The following DLGAP5 variants were observed in gnomAD, a reference collection of about 807,000 sequenced individuals.
DLGAP5 encodes the protein DLG associated protein 5.
In DLGAP5, 90 loss-of-function variants were observed where a neutral mutation model predicts 99.6. The ratio of observed to expected loss-of-function variants is 0.90; its 90% confidence interval spans 0.76 to 1.08. DLGAP5 has a LOEUF of 1.08. Ranked by LOEUF, DLGAP5 falls within the 50% of genes least tolerant of loss-of-function variation. The pLI is 0.00. For missense variants in DLGAP5, 1,036 were observed against 983.5 expected, an observed-to-expected ratio of 1.05 and a Z score of -0.71; for synonymous variants, 311 against 321.3, an observed-to-expected ratio of 0.97 and a Z score of 0.34.
chr14:55,189,419 T>C (rs987881479), intron 1 of DLGAP5, among the ~76,000 whole-genome samples: 2 of 152,060 alleles, frequency 1.3e-5, no homozygotes, highest in African/African-American at 4.8e-5. Context: ...CAGTAAGTGA[T>C]AGTCCAGAAT....
chr14:55,151,853 A>C lies in DLGAP5; in HGVS notation c.2210T>G (p.Ile737Ser), dbSNP rs895075639. The change falls in exon 17 of 19, where the codon ATT becomes AGT. Residue 737 changes from isoleucine (I) to serine (S), a missense_variant. Ile to Ser is a moderately radical substitution (Grantham distance 142). Coordinates refer to ENST00000247191, the MANE Select transcript of DLGAP5 (RefSeq NM_014750.5). ...PLLAGGVADD[I>S]NTNKKEGISD... ...AATTCCTTCTTTTTTGTTAGTATTA[A>C]TATCATCTGCTACTCCACCAGCAAG... The C allele has an allele frequency of 6.2e-7, 1 of 1,613,950 alleles. No individual in the cohort carries two copies. The highest frequency in any genetic ancestry group is 8.5e-7 in the Non-Finnish European group (1 of 1,179,952).
chr14:55,174,211 G>A (rs1429081103), intron 10 of DLGAP5, among the ~76,000 whole-genome samples: 1 of 152,116 alleles, frequency 6.6e-6, no homozygotes, highest in African/African-American at 2.4e-5. Flanking sequence ...AACTGCAGGG[G>A]TGAAATAGAC....
intron 10 of DLGAP5, among the ~76,000 whole-genome samples, chr14:55,171,762 T>C (rs974404264): frequency 1.3e-5 from 2 of 152,092 alleles, no homozygotes; most frequent in African/African-American, 2.4e-5. Context: ...GGTATATACA[T>C]ACAATGAAAT....
At chr14:55,176,457 A>G (rs1025535289) in intron 8 of DLGAP5, among the ~76,000 whole-genome samples, 1 of 152,282 alleles carries the variant, frequency 6.6e-6, no homozygotes, top group Non-Finnish European at 1.5e-5. Context: ...GAGCTAAAGC[A>G]GTATAGCAAT....
chr14:55,158,218 G>A (rs1882279416), intron 14 of DLGAP5, among the ~76,000 whole-genome samples: 1 of 152,126 alleles, frequency 6.6e-6, no homozygotes, highest in Non-Finnish European at 1.5e-5. Flanking sequence ...TTGGGATCCT[G>A]TGACCTTTCT....
chr14:55,189,176 A>C lies in DLGAP5; in HGVS notation c.4T>G (p.Ser2Ala). The change falls in exon 2 of 19, where the codon TCT becomes GCT. Residue 2 changes from serine to alanine, a missense_variant. Ser to Ala is a moderately conservative substitution (Grantham distance 99, BLOSUM62 1). Transcript: ENST00000247191. ...TGTCGACTGGCAAAATGTGATGAAG[A>C]CATCCTGTCAAGGAAAAGGACAAAA... Reference protein sequence around the residue: MSSSHFASRHRK... With the variant: MASSHFASRHRK... The C allele has an allele frequency of 6.2e-7, 1 of 1,611,360 alleles. No individual in the cohort carries two copies. The highest frequency in any genetic ancestry group is 8.5e-7 in the Non-Finnish European group (1 of 1,178,650).
At position 55,148,252 on chromosome 14, in the gene DLGAP5, A is replaced by G; in HGVS notation, c.*99T>C. ...AGAATATTAAAACATTATATGCTAT[A>G]GAAGTGAACACAAATACATTTTCTC... On this transcript the variant is annotated 3_prime_UTR_variant, in exon 19 of 19. Coordinates refer to ENST00000247191, the MANE Select transcript of DLGAP5 (RefSeq NM_014750.5). The G allele has an allele frequency of 8.3e-7, 1 of 1,207,830 alleles. No homozygotes were observed. Among genetic ancestry groups the G allele is most frequent in the Non-Finnish European group, 1.2e-6 (1 of 850,012 alleles). 74.8% of individuals were successfully genotyped at this position (1,207,830 alleles called of 1,614,324 possible). A position where few individuals can be genotyped will look rare whatever the true frequency, so the allele number is the denominator to read the frequency against.
intron 12 of DLGAP5, among the ~76,000 whole-genome samples, chr14:55,164,903 C>T (rs1882583238): frequency 8.0e-6 from 1 of 125,342 alleles, no homozygotes; most frequent in Non-Finnish European, 1.6e-5. Flanking sequence ...GCCTGGGCGA[C>T]AGAGTGAGAC....
At chr14:55,179,025 C>G (rs368364120) in intron 7 of DLGAP5, among the ~76,000 whole-genome samples, 1 of 151,960 alleles carries the variant, frequency 6.6e-6, no homozygotes, top group Non-Finnish European at 1.5e-5. Flanking sequence ...CGAGCCTGGG[C>G]GACAGAGTGA....
intron 3 of DLGAP5, 123 bp downstream of exon 3, chr14:55,183,437 T>C (rs992185458): frequency 1.3e-6 from 1 of 771,764 alleles, no homozygotes; most frequent in East Asian, 3.2e-5. Context: ...TACTATTATG[T>C]CATTCCCACC....
chr14:55,160,030 C>T (rs550264328), intron 13 of DLGAP5, among the ~76,000 whole-genome samples: 1 of 152,096 alleles, frequency 6.6e-6, no homozygotes, highest in African/African-American at 2.4e-5. Context: ...TGGAGAAACA[C>T]CAGCTCCACT....
chr14:55,184,667 CATGTGGGGCCTTAAGA>C (rs1380613763), intron 2 of DLGAP5, among the ~76,000 whole-genome samples: 1 of 152,170 alleles, frequency 6.6e-6, no homozygotes, highest in African/African-American at 2.4e-5. Context: ...AGCCAGGTGC[CATGTGGGGCCTTAAGA>C]AGACTCAAGC....
intron 5 of DLGAP5, among the ~76,000 whole-genome samples, 164 bp downstream of exon 5, chr14:55,181,049 A>G (rs983216477): frequency 2.6e-5 from 4 of 152,158 alleles, no homozygotes; most frequent in African/African-American, 7.2e-5. Context: ...CAGGAGGTGG[A>G]GGCTCCAGTG....
chr14:55,184,421 T>C (rs1158397799), intron 2 of DLGAP5, among the ~76,000 whole-genome samples: 3 of 152,246 alleles, frequency 2.0e-5, no homozygotes, highest in Non-Finnish European at 4.4e-5. Context: ...CTGCTTGCTA[T>C]GTAATAGGCA....
chr14:55,175,080 G>A (rs1488301744), intron 10 of DLGAP5, among the ~76,000 whole-genome samples: 3 of 152,190 alleles, frequency 2.0e-5, no homozygotes, highest in African/African-American at 7.2e-5. Context: ...CACAAGAAAT[G>A]AGTAACACTT....
rs1882301084 is a variant in DLGAP5 at position 55,158,697 on chromosome 14, A to G, written c.1698T>C (p.Asp566=). 6.2e-7 allele frequency: 1 copy of G among 1,613,976 alleles called. No individual in the cohort carries two copies. Among genetic ancestry groups the G allele is most frequent in the Admixed American group, 1.7e-5 (1 of 60,006 alleles). ...GATTTCTCGCTGCAATTCTTCCAGC[A>G]TCATCCTGTTTTGGTTTACTTGCTA... is the stretch of plus-strand genomic sequence containing the variant. ...SGIASKPKQD[D]AGRIAARNRL... The change falls in exon 14 of 19, where the codon GAT becomes GAC. Residue 566 remains aspartate, a synonymous_variant. Coordinates refer to ENST00000247191, the MANE Select transcript of DLGAP5 (RefSeq NM_014750.5).
At chr14:55,161,127 A>C (rs771764851) in intron 13 of DLGAP5, among the ~76,000 whole-genome samples, 5 of 152,194 alleles carry the variant, frequency 3.3e-5, no homozygotes, top group Non-Finnish European at 5.9e-5. Flanking sequence ...AGTATAAAAG[A>C]TTAGCTTTGT....
At position 55,181,280 on chromosome 14, in the gene DLGAP5, A is replaced by G; in HGVS notation, c.513T>C (p.Asp171=). Residue 171 remains aspartate (D), a synonymous_variant, in exon 5 of 19, where the codon GAT becomes GAC. Transcript: ENST00000247191. ...TTGGACCAGGTCGGATTGCTCGAAC[A>G]TCACTCTCGTTATCAATCTATTTAA... The part of the protein sequence containing the change: ...MEQTKIDNES[D]VRAIRPGPRQ... 1 of 1,614,124 alleles carries G rather than the reference A, an allele frequency of 6.2e-7. No individual in the cohort carries two copies. The highest frequency in any genetic ancestry group is 8.5e-7 in the Non-Finnish European group (1 of 1,179,992).
intron 3 of DLGAP5, 134 bp from the exon 4 acceptor site, chr14:55,182,566 A>C (rs1883313579): frequency 6.5e-6 from 4 of 614,850 alleles, no homozygotes; most frequent in South Asian, 5.7e-5. Context: ...AAGATACTTA[A>C]ATTCCTTTTT....
Sources: allele counts gnomAD v4.1 joint callset (sites outside exome capture counted in the v4.1 genomes callset), GRCh38; gene constraint gnomAD v4.1.1; transcripts MANE v1.5; gene names NCBI Gene and HGNC (gene_info 2026-07-23, HGNC 2026-07-21).